EYS: variants seen among roughly 807,000 people sequenced by gnomAD.
The protein encoded by EYS is protein eyes shut homolog.
EYS carries 250 observed loss-of-function variants against 282.1 expected under a neutral mutation model. The ratio of observed to expected loss-of-function variants is 0.89; its 90% CI spans 0.80 to 0.98. EYS has a LOEUF of 0.98. Ranked by LOEUF, EYS falls within the 50% of genes least tolerant of loss-of-function variation. The pLI, the probability that EYS is intolerant of heterozygous loss-of-function variation, is 0.00. For missense variants in EYS, 4,016 were observed against 3,709.0 expected, an observed-to-expected ratio of 1.08 and a Z score of -2.15; for synonymous variants, 1,355 against 1,282.9, an observed-to-expected ratio of 1.06 and a Z score of -1.20.
At chr6:65,566,393 A>C (rs975743779) in intron 2 of EYS, among the ~76,000 whole-genome samples, 2 of 150,648 alleles carry the variant, frequency 1.3e-5, no homozygotes, top group African/African-American at 4.9e-5. Flanking sequence ...AAGACCTCGA[A>C]AAAAAAAAGA....
At chr6:65,618,276 T>A (rs1168738814) in intron 2 of EYS, among the ~76,000 whole-genome samples, 2 of 152,382 alleles carry the variant, frequency 1.3e-5, no homozygotes, top group South Asian at 4.1e-4. Context: ...CACATTGTGG[T>A]TTTGGTTTGC....
chr6:64,494,467 A>T (rs772991670), intron 26 of EYS, among the ~76,000 whole-genome samples: 9 of 151,474 alleles, frequency 5.9e-5, no homozygotes, highest in Non-Finnish European at 1.2e-4. Flanking sequence ...TGTTTCTCTC[A>T]CTATTCTTTA....
At chr6:63,728,044 T>C (rs148762254) in intron 41 of EYS, among the ~76,000 whole-genome samples, 1,800 of 152,144 alleles carry the variant, frequency 0.012, 30 homozygotes, top group African/African-American at 0.042. Context: ...GTTAAAATTT[T>C]AAGAACACAA....
intron 41 of EYS, among the ~76,000 whole-genome samples, chr6:63,757,072 C>G (rs545738234): frequency 6.4e-4 from 97 of 152,244 alleles, no homozygotes; most frequent in African/African-American, 2.3e-3. Flanking sequence ...TAAGGTCTGA[C>G]TGCCTGCAGG....
At chr6:65,330,843 C>A (rs1044278388) in intron 11 of EYS, 2 of 936,244 alleles carry the variant, frequency 2.1e-6, no homozygotes, top group South Asian at 9.9e-5. Flanking sequence ...TTAGAGTCTA[C>A]TTCTATATAA....
chr6:64,676,344 A>C (rs1053848760), intron 22 of EYS, among the ~76,000 whole-genome samples: 104 of 133,022 alleles, frequency 7.8e-4, no homozygotes, highest in Admixed American at 1.3e-3. Context: ...ATATCTATAT[A>C]TATATATAGA....
At chr6:65,582,919 C>G (rs1011907358) in intron 2 of EYS, among the ~76,000 whole-genome samples, 2 of 152,022 alleles carry the variant, frequency 1.3e-5, no homozygotes, top group Non-Finnish European at 2.9e-5. Context: ...TACTTGCAAA[C>G]TCTAGGAATG....
Position 64,789,589 on chromosome 6 carries a change from T to C in EYS, c.3443+23789A>G, listed in dbSNP as rs374415065. ...CATACCAAGGTGCCCTTCCTGATTC[T>C]GTGTTAGACAATATGTTCACATAAT... On this transcript the variant is annotated intron_variant, in intron 22 of 42. Coordinates refer to ENST00000503581, the MANE Select transcript of EYS (RefSeq NM_001142800.2). Among the ~76,000 whole-genome samples the C allele has an allele frequency of 4.9e-4, 75 of 152,290 alleles. No individual in the cohort carries two copies. In the South Asian group the frequency reaches 0.016, roughly 32 times the overall value.
chr6:65,536,338 TC>T (rs1375596909), intron 2 of EYS, among the ~76,000 whole-genome samples: 2 of 149,022 alleles, frequency 1.3e-5, no homozygotes, highest in African/African-American at 2.5e-5. Context: ...TTTTTTTTTT[TC>T]AGGTAGACAG....
intron 35 of EYS, among the ~76,000 whole-genome samples, chr6:63,884,223 G>A (rs1773205813): frequency 6.6e-6 from 1 of 152,108 alleles, no homozygotes. Context: ...TTTCTTTTAA[G>A]AGCATGCATT....
intron 12 of EYS, among the ~76,000 whole-genome samples, chr6:65,253,600 T>A (rs1417925768): frequency 6.6e-6 from 1 of 151,880 alleles, no homozygotes; most frequent in African/African-American, 2.4e-5. Flanking sequence ...GTGAATGACA[T>A]CCATCATTGA....
intron 12 of EYS, among the ~76,000 whole-genome samples, chr6:65,141,495 T>TA (rs60195047): frequency 3.5e-4 from 52 of 147,740 alleles, no homozygotes; most frequent in South Asian, 1.3e-3. Context: ...AGTATAATAA[T>TA]AAAAAAAAAA....
chr6:65,205,645 T>TA (rs1766016654), intron 12 of EYS, among the ~76,000 whole-genome samples: 1 of 151,860 alleles, frequency 6.6e-6, no homozygotes, highest in African/African-American at 2.4e-5. Context: ...TGCTTGGTCA[T>TA]AAAGCATCTC....
At chr6:64,418,755 A>G (rs1340456651) in intron 28 of EYS, among the ~76,000 whole-genome samples, 10 of 151,342 alleles carry the variant, frequency 6.6e-5, no homozygotes. Context: ...ATATATGACT[A>G]TAATTGAGGG....
At chr6:64,159,243 T>C (rs2150299872) in intron 31 of EYS, among the ~76,000 whole-genome samples, 1 of 152,186 alleles carries the variant, frequency 6.6e-6, no homozygotes, top group South Asian at 2.1e-4. Context: ...TATAATGTAT[T>C]GTGTAGAGAA....
At chr6:64,085,193 G>A (rs772376338) in intron 31 of EYS, among the ~76,000 whole-genome samples, 7 of 151,958 alleles carry the variant, frequency 4.6e-5, no homozygotes, top group Non-Finnish European at 1.0e-4. Context: ...GGCCAGGCTG[G>A]TTGGGCTCCT....
chr6:65,239,109 G>T (rs1766995413), intron 12 of EYS, among the ~76,000 whole-genome samples: 1 of 151,786 alleles, frequency 6.6e-6, no homozygotes, highest in South Asian at 2.1e-4. Flanking sequence ...TTACATTTCT[G>T]GTTTAAAAAA....
intron 13 of EYS, among the ~76,000 whole-genome samples, chr6:65,032,419 G>A (rs530312408): frequency 6.6e-6 from 1 of 152,268 alleles, no homozygotes; most frequent in South Asian, 2.1e-4. Context: ...TGATCATGGG[G>A]GCAGGTCCCT....
At chr6:65,285,326 T>G (rs2150278739) in intron 12 of EYS, among the ~76,000 whole-genome samples, 1 of 152,114 alleles carries the variant, frequency 6.6e-6, no homozygotes, top group African/African-American at 2.4e-5. Context: ...GACAATCAAC[T>G]TTTCATTTAT....
Sources: gnomAD v4.1 joint callset for allele counts (sites outside exome capture counted in the v4.1 genomes callset) on GRCh38, gnomAD v4.1.1 for gene constraint, MANE v1.5 for transcripts, NCBI Gene and HGNC (gene_info 2026-07-23, HGNC 2026-07-21) for gene names.